RARB: variants seen among roughly 807,000 people sequenced by gnomAD.
RARB encodes the protein retinoic acid receptor beta, also known as HBV-activated protein.
In RARB, 17 loss-of-function variants were observed where a neutral mutation model predicts 51.9. The observed-to-expected ratio is 0.33, with a 90% confidence interval of 0.22 to 0.49. The LOEUF (loss-of-function observed/expected upper bound fraction) is 0.49, where lower values mean the gene tolerates loss of function less well. Ranked by LOEUF, RARB falls within the 20% of genes least tolerant of loss-of-function variation. The pLI, the probability that RARB is intolerant of heterozygous loss-of-function variation, is 0.99. For synonymous variants in RARB, 215 were observed against 195.4 expected, an observed-to-expected ratio of 1.10 and a Z score of -0.84; for missense variants, 369 against 550.8, an observed-to-expected ratio of 0.67 and a Z score of 3.30.
chr3:25,506,252 CAAAAAAAAAAAA>C (rs35856686), intron 3 of RARB, among the ~76,000 whole-genome samples: 2 of 57,764 alleles, frequency 3.5e-5, no homozygotes, highest in Admixed American at 2.1e-4. Context: ...GACTCCATCT[CAAAAAAAAAAAA>C]AAAAAAAAAA....
intron 5 of RARB, among the ~76,000 whole-genome samples, chr3:25,216,354 G>A (rs1400892960): frequency 6.6e-6 from 1 of 152,020 alleles, no homozygotes; most frequent in Non-Finnish European, 1.5e-5. Context: ...TTTATTGATA[G>A]ACTGGATAAA....
At chr3:25,373,832 G>C (rs935627172) in intron 5 of RARB, among the ~76,000 whole-genome samples, 3 of 152,122 alleles carry the variant, frequency 2.0e-5, no homozygotes, top group African/African-American at 4.8e-5. Flanking sequence ...CTTTGTCTTG[G>C]CTGATTTCCA....
chr3:25,484,505 G>C (rs1001374976), intron 2 of RARB, among the ~76,000 whole-genome samples: 2 of 152,000 alleles, frequency 1.3e-5, no homozygotes, highest in South Asian at 4.2e-4. Flanking sequence ...ATGGCCCATA[G>C]GCTAAACCGG....
chr3:24,874,116 T>G (rs1702999160), intron 2 of RARB, among the ~76,000 whole-genome samples: 1 of 152,038 alleles, frequency 6.6e-6, no homozygotes, highest in South Asian at 2.1e-4. Context: ...CATAGGAACT[T>G]GAGCATTCAT....
chr3:24,920,120 G>A (rs1176701913), intron 2 of RARB, among the ~76,000 whole-genome samples: 1 of 152,190 alleles, frequency 6.6e-6, no homozygotes, highest in African/African-American at 2.4e-5. Flanking sequence ...TTAACAATGT[G>A]AGCTAGCTGT....
At chr3:25,076,440 T>G (rs1362313566) in intron 3 of RARB, among the ~76,000 whole-genome samples, 1 of 152,162 alleles carries the variant, frequency 6.6e-6, no homozygotes, top group Non-Finnish European at 1.5e-5. Flanking sequence ...TATATATGCT[T>G]TGTACATGTA....
chr3:25,144,295 G>T (rs1700154758), intron 4 of RARB, among the ~76,000 whole-genome samples: 1 of 152,078 alleles, frequency 6.6e-6, no homozygotes, highest in African/African-American at 2.4e-5. Context: ...TTCAAATTCT[G>T]CTTGAAGAAA....
chr3:25,078,222 T>C (rs1430754002), intron 3 of RARB, among the ~76,000 whole-genome samples: 1 of 152,272 alleles, frequency 6.6e-6, no homozygotes, highest in East Asian at 1.9e-4. Flanking sequence ...TACAAAAATA[T>C]TTTTGTGTTG....
At chr3:25,196,436 T>C (rs897084410) in intron 5 of RARB, among the ~76,000 whole-genome samples, 1 of 152,176 alleles carries the variant, frequency 6.6e-6, no homozygotes, top group African/African-American at 2.4e-5. Flanking sequence ...TTCCACAGTG[T>C]ATATGTGCCA....
At chr3:25,461,454 G>T (rs773514763) in intron 2 of RARB, 113 bp downstream of exon 2, 17 of 1,245,146 alleles carry the variant, frequency 1.4e-5, no homozygotes, top group Admixed American at 2.4e-5. Flanking sequence ...TCCCATAAGT[G>T]TGGTGAATTC....
At chr3:25,504,885 G>A (rs1298216) in intron 3 of RARB, among the ~76,000 whole-genome samples, 67,569 of 150,240 alleles carry the variant, frequency 0.45, 16,529 homozygotes, top group African/African-American at 0.65. Flanking sequence ...AGCCTCCCAA[G>A]TAGCTGGCAT....
At chr3:25,309,147 T>C (rs1278107255) in intron 5 of RARB, among the ~76,000 whole-genome samples, 1 of 140,690 alleles carries the variant, frequency 7.1e-6, no homozygotes, top group Admixed American at 7.1e-5. Flanking sequence ...TTTTTTTTTT[T>C]TTTTTTTTTG....
At chr3:25,481,563 C>T (rs1433297357) in intron 2 of RARB, among the ~76,000 whole-genome samples, 5 of 152,168 alleles carry the variant, frequency 3.3e-5, no homozygotes, top group Admixed American at 6.5e-5. Context: ...CATGCAGAGC[C>T]TGTCTGTTAT....
chr3:25,411,116 T>C (rs1391911850), intron 5 of RARB, among the ~76,000 whole-genome samples: 1 of 152,198 alleles, frequency 6.6e-6, no homozygotes. Context: ...GTAATCTACC[T>C]TTTTTTAAAT....
chr3:25,167,992 T>C (rs1321530515), intron 4 of RARB, among the ~76,000 whole-genome samples: 1 of 152,200 alleles, frequency 6.6e-6, no homozygotes, highest in Non-Finnish European at 1.5e-5. Flanking sequence ...GTAACAGTTA[T>C]ATAACTTTTT....
intron 2 of RARB, among the ~76,000 whole-genome samples, chr3:24,872,478 T>C (rs1702965349): frequency 6.6e-6 from 1 of 152,184 alleles, no homozygotes. Context: ...TTATAGTTCT[T>C]CATACTATGC....
chr3:25,495,803 G>T (rs183557843), intron 2 of RARB, among the ~76,000 whole-genome samples: 3 of 152,262 alleles, frequency 2.0e-5, no homozygotes, highest in African/African-American at 4.8e-5. Context: ...GACTAATCAA[G>T]CCATGGTTAA....
intron 3 of RARB, among the ~76,000 whole-genome samples, chr3:25,519,899 C>T (rs372376338): frequency 8.5e-5 from 13 of 152,086 alleles, no homozygotes; most frequent in African/African-American, 2.7e-4. Flanking sequence ...CTTTGTTTCC[C>T]CCAAGAGGAT....
intron 2 of RARB, among the ~76,000 whole-genome samples, chr3:24,952,418 C>A (rs531629024): frequency 3.9e-5 from 6 of 152,244 alleles, no homozygotes; most frequent in Admixed American, 6.5e-5. Context: ...CTCAAAAATT[C>A]TTTTCTAGGT....
Sources: allele counts gnomAD v4.1 joint callset (sites outside exome capture counted in the v4.1 genomes callset), GRCh38; gene constraint gnomAD v4.1.1; transcripts MANE v1.5; gene names NCBI Gene and HGNC (gene_info 2026-07-23, HGNC 2026-07-21).